Variants in SLC9D1 observed in about 807,000 individuals in gnomAD.
SLC9D1 encodes the protein solute carrier family 9 member D1, also known as putative LAG1-interacting protein.
chr13:113,549,466 G>A, the SLC9D1 span: 1 of 1,613,998 alleles, frequency 6.2e-7, no homozygotes, highest in African/African-American at 1.3e-5. Context: ...TCAGCCTCTT[G>A]CTCGCCCCGG....
the SLC9D1 span, chr13:113,539,450 G>A: frequency 9.9e-6 from 16 of 1,613,420 alleles, no homozygotes; most frequent in East Asian, 6.7e-5. This position sits in a 1 kb window ranked among gnomAD's most constrained non-coding sequence, Gnocchi z 4.8. Context: ...CGAGGAGATC[G>A]CCACCTCCAT....
the SLC9D1 span, chr13:113,504,503 C>T: frequency 2.0e-5 from 3 of 152,192 alleles, no homozygotes; most frequent in African/African-American, 7.2e-5. Flanking sequence ...CCCTTTGCCC[C>T]AAGTCCGCAG....
the SLC9D1 span, among the ~76,000 whole-genome samples, chr13:113,543,820 A>G: frequency 6.6e-6 from 1 of 151,944 alleles, no homozygotes; most frequent in Admixed American, 6.5e-5. Context: ...TCTTCAAACT[A>G]GAGTTCTTTT....
the SLC9D1 span, among the ~76,000 whole-genome samples, chr13:113,525,218 ACAG>A: frequency 1.3e-5 from 2 of 152,168 alleles, no homozygotes; most frequent in East Asian, 3.9e-4. Flanking sequence ...GGCCACCTGT[ACAG>A]CAGTGGTCGG....
chr13:113,525,582 C>T, the SLC9D1 span, among the ~76,000 whole-genome samples: 3 of 129,886 alleles, frequency 2.3e-5, no homozygotes, highest in Non-Finnish European at 3.7e-5. Flanking sequence ...AGCTCTGTGC[C>T]GGTTATTCTA....
the SLC9D1 span, among the ~76,000 whole-genome samples, chr13:113,532,238 G>T: frequency 6.6e-6 from 1 of 152,188 alleles, no homozygotes; most frequent in Non-Finnish European, 1.5e-5. Flanking sequence ...CAAGACATCC[G>T]CAGCAGGGAA....
chr13:113,502,606 C>A, the SLC9D1 span, among the ~76,000 whole-genome samples: 1 of 152,184 alleles, frequency 6.6e-6, no homozygotes, highest in East Asian at 1.9e-4. Context: ...TGCTGGGCCC[C>A]GTCACACTGA....
the SLC9D1 span, among the ~76,000 whole-genome samples, chr13:113,543,172 ACC>A: frequency 0.08 from 819 of 10,290 alleles, 44 homozygotes; most frequent in South Asian, 0.11. Context: ...CTCTGTCCGG[ACC>A]CCACCTCCTC....
chr13:113,523,113 T>G, the SLC9D1 span, among the ~76,000 whole-genome samples: 1 of 130,084 alleles, frequency 7.7e-6, no homozygotes, highest in African/African-American at 3.3e-5. Context: ...GGTGTGTAGT[T>G]CTCTCTTTTT....
At chr13:113,520,182 A>G in the SLC9D1 span, among the ~76,000 whole-genome samples, 1 of 152,218 alleles carries the variant, frequency 6.6e-6, no homozygotes, top group Non-Finnish European at 1.5e-5. Flanking sequence ...TTTAAAGTCT[A>G]TTCTTAAAAA....
At chr13:113,524,119 TG>T in the SLC9D1 span, 1 of 456,288 alleles carries the variant, frequency 2.2e-6, no homozygotes, top group Non-Finnish European at 4.4e-6. Context: ...TTTTAATATA[TG>T]TCAGTCAGTT....
the SLC9D1 span, among the ~76,000 whole-genome samples, chr13:113,526,380 A>G: frequency 0.023 from 3,573 of 152,314 alleles, 90 homozygotes; most frequent in East Asian, 0.11. Flanking sequence ...AAAAAGTTAC[A>G]GTAAGTTAAG....
chr13:113,518,906 C>A, the SLC9D1 span, among the ~76,000 whole-genome samples: 99 of 152,290 alleles, frequency 6.5e-4, 1 homozygote, highest in South Asian at 0.02. Context: ...GTCAATCAAG[C>A]CTTCTAAAAC....
At chr13:113,520,449 A>G in the SLC9D1 span, 2 of 493,330 alleles carry the variant, frequency 4.1e-6, no homozygotes, top group Non-Finnish European at 7.2e-6. Flanking sequence ...GAGCCACTGC[A>G]CTCCAGCCTG....
At chr13:113,495,077 C>T in the SLC9D1 span, among the ~76,000 whole-genome samples, 2 of 152,210 alleles carry the variant, frequency 1.3e-5, no homozygotes, top group African/African-American at 4.8e-5. Flanking sequence ...TGGTCTTGAA[C>T]TCCTGACCTC....
the SLC9D1 span, among the ~76,000 whole-genome samples, chr13:113,538,780 C>T: frequency 1.3e-5 from 2 of 152,272 alleles, no homozygotes; most frequent in Non-Finnish European, 2.9e-5. Flanking sequence ...GTCAGCCGTG[C>T]GTCATCCGGA....
At chr13:113,519,199 A>G in the SLC9D1 span, among the ~76,000 whole-genome samples, 1 of 152,206 alleles carries the variant, frequency 6.6e-6, no homozygotes, top group South Asian at 2.1e-4. Flanking sequence ...GCCCGCCACC[A>G]TGCCCAGCTA....
the SLC9D1 span, among the ~76,000 whole-genome samples, chr13:113,545,056 C>T: frequency 6.9e-6 from 1 of 144,410 alleles, no homozygotes; most frequent in Non-Finnish European, 1.5e-5. Flanking sequence ...CAGAAGCAGG[C>T]AGCTGGCTCT....
the SLC9D1 span, chr13:113,549,407 T>C: frequency 1.2e-6 from 2 of 1,613,032 alleles, no homozygotes; most frequent in Non-Finnish European, 1.7e-6. Context: ...TGACCCGCTC[T>C]GCACTTTGCT....
Sources: allele counts gnomAD v4.1 joint callset (sites outside exome capture counted in the v4.1 genomes callset), GRCh38; gene constraint gnomAD v4.1.1; non-coding constraint Gnocchi (gnomAD v3.1); transcripts MANE v1.5; gene names NCBI Gene and HGNC (gene_info 2026-07-23, HGNC 2026-07-21).